Variants in ZNF331 observed in about 807,000 individuals in gnomAD.
ZNF331 encodes zinc finger protein 331.
ZNF331 carries 2 observed loss-of-function variants against 7.0 expected under a neutral mutation model. The ratio of observed to expected loss-of-function variants is 0.29; its 90% confidence interval spans 0.12 to 0.90. The LOEUF (loss-of-function observed/expected upper bound fraction) is 0.90, where lower values mean the gene tolerates loss of function less well. Ranked by LOEUF, ZNF331 falls within the 40% of genes least tolerant of loss-of-function variation. The pLI is 0.58. For synonymous variants in ZNF331, 196 were observed against 205.4 expected, an observed-to-expected ratio of 0.95 and a Z score of 0.39; for missense variants, 432 against 587.7, an observed-to-expected ratio of 0.74 and a Z score of 2.74.
the ZNF331 span, among the ~76,000 whole-genome samples, chr19:53,513,721 G>A: frequency 9.0e-3 from 1,252 of 139,648 alleles, no homozygotes; most frequent in African/African-American, 0.016. Context: ...GCACGATCTC[G>A]GCTCACTGCA....
intron 2 of ZNF331, among the ~76,000 whole-genome samples, chr19:53,531,976 AT>A (rs980285952): frequency 6.6e-6 from 1 of 151,920 alleles, no homozygotes; most frequent in Non-Finnish European, 1.5e-5. Flanking sequence ...GACATCCTTT[AT>A]TTTTTATTTT....
At chr19:53,508,341 G>A in the ZNF331 span, among the ~76,000 whole-genome samples, 45 of 152,246 alleles carry the variant, frequency 3.0e-4, no homozygotes, top group Middle Eastern at 3.4e-3. Context: ...GCCGCACCAC[G>A]TGACCCTTGA....
intron 2 of ZNF331, among the ~76,000 whole-genome samples, chr19:53,531,968 C>G (rs971517401): frequency 1.3e-5 from 2 of 152,226 alleles, no homozygotes; most frequent in East Asian, 3.9e-4. Context: ...ATTAAAATGA[C>G]ATCCTTTATT....
chr19:53,526,390 G>A (rs2087294107), intron 2 of ZNF331, among the ~76,000 whole-genome samples: 1 of 152,080 alleles, frequency 6.6e-6, no homozygotes, highest in Non-Finnish European at 1.5e-5. Flanking sequence ...AGGGCATCAG[G>A]TTCTGGTCTT....
At position 53,579,765 on chromosome 19, in the gene ZNF331, A is replaced by G. The variant is rs1184867602; in HGVS notation, c.*1813A>G. 5.1e-6 allele frequency: 1 copy of G among 197,310 alleles called. No individual in the cohort carries two copies. The highest frequency in any genetic ancestry group is 2.3e-5 in the African/African-American group (1 of 43,372). 12.2% of individuals were successfully genotyped at this position (197,310 alleles called of 1,614,324 possible). A position where few individuals can be genotyped will look rare whatever the true frequency, so the allele number is the denominator to read the frequency against. On this transcript the variant is annotated 3_prime_UTR_variant, in exon 6 of 6. Coordinates refer to ENST00000449416, the MANE Select transcript of ZNF331 (RefSeq NM_001079906.2). ...CATAAAAAGTTGTTACACTTCATCA[A>G]AAGTACAAAGTTCTGTTCATCAAAT...
chr19:53,556,168 G>T (rs1378721147), intron 3 of ZNF331, among the ~76,000 whole-genome samples: 2 of 150,392 alleles, frequency 1.3e-5, no homozygotes, highest in Non-Finnish European at 3.0e-5. Flanking sequence ...GCGGGAACCC[G>T]GGAGGCGGAG....
At chr19:53,503,314 A>T in the ZNF331 span, 4 of 370,626 alleles carry the variant, frequency 1.1e-5, no homozygotes, top group East Asian at 1.4e-4. Context: ...GCTGCCTTTT[A>T]AATGTCGCTC....
intron 2 of ZNF331, among the ~76,000 whole-genome samples, chr19:53,530,107 A>G (rs1012228777): frequency 5.3e-5 from 8 of 152,148 alleles, no homozygotes; most frequent in Non-Finnish European, 1.2e-4. Context: ...TGGAAGGTGA[A>G]GTGGGAGCAG....
chr19:53,546,432 G>A (rs988480854), intron 2 of ZNF331, among the ~76,000 whole-genome samples: 16 of 151,874 alleles, frequency 1.1e-4, no homozygotes, highest in African/African-American at 3.9e-4. Flanking sequence ...TGTACCCCCT[G>A]GTTGACCAGC....
intron 2 of ZNF331, among the ~76,000 whole-genome samples, chr19:53,546,782 C>T (rs1022278069): frequency 6.6e-6 from 1 of 152,196 alleles, no homozygotes; most frequent in African/African-American, 2.4e-5. Context: ...ATTTCTGTGT[C>T]ATCAAAGGCA....
At chr19:53,554,913 G>C (rs1007975517) in intron 2 of ZNF331, 1 of 153,282 alleles carries the variant, frequency 6.5e-6, no homozygotes, top group Non-Finnish European at 1.5e-5. Flanking sequence ...ATATGTGGGG[G>C]CGGCGATCAG....
At chr19:53,513,326 C>T in the ZNF331 span, among the ~76,000 whole-genome samples, 1 of 151,900 alleles carries the variant, frequency 6.6e-6, no homozygotes, top group Non-Finnish European at 1.5e-5. Flanking sequence ...GACGCATACT[C>T]AGAGGTAGGA....
In ZNF331 at chr19:53,555,094, C is replaced by T. The variant is rs188623684; in HGVS notation, c.-137-751C>T. ...GCAGGCTTGTGCTGGGATGGTTGGT[C>T]GGGCCTTCTGGGTGACGCAGGTGTG... On this transcript the variant is annotated intron_variant, in intron 2 of 5. Coordinates refer to ENST00000449416, the MANE Select transcript of ZNF331 (RefSeq NM_001079906.2). The T allele has an allele frequency of 4.5e-4, 70 of 155,632 alleles. No individual in the cohort carries two copies. In the East Asian group the frequency reaches 7.7e-3, roughly 17 times the overall value. 9.6% of individuals were successfully genotyped at this position (155,632 alleles called of 1,614,324 possible). A position where few individuals can be genotyped will look rare whatever the true frequency, so the allele number is the denominator to read the frequency against.
chr19:53,520,909 T>G (rs562373723), upstream of ZNF331: 1 of 151,994 alleles, frequency 6.6e-6, no homozygotes, highest in Admixed American at 6.5e-5. Context: ...CAGAGGCCTC[T>G]GGGTCACGGC....
chr19:53,566,331 C>T (rs889658849), intron 3 of ZNF331, among the ~76,000 whole-genome samples: 4 of 152,072 alleles, frequency 2.6e-5, no homozygotes, highest in African/African-American at 9.7e-5. Flanking sequence ...TTTGCTCTTT[C>T]GTCCAGGCTG....
intron 1 of ZNF331, chr19:53,522,489 C>T (rs1164628757): frequency 6.6e-6 from 1 of 152,124 alleles, no homozygotes; most frequent in African/African-American, 2.4e-5. Flanking sequence ...CCCCCGTCGG[C>T]TTCCCAAAGT....
At chr19:53,574,308 A>G (rs1188873888) in intron 5 of ZNF331, among the ~76,000 whole-genome samples, 2 of 152,052 alleles carry the variant, frequency 1.3e-5, no homozygotes, top group Admixed American at 1.3e-4. Context: ...AATACGGAGG[A>G]AAGTGGGAGC....
chr19:53,543,603 GAA>G (rs1211243038), intron 2 of ZNF331, among the ~76,000 whole-genome samples: 1 of 152,048 alleles, frequency 6.6e-6, no homozygotes, highest in Non-Finnish European at 1.5e-5. Flanking sequence ...ACTATAAAAA[GAA>G]AAACTTTTTT....
intron 1 of ZNF331, chr19:53,538,835 C>G (rs781159626): frequency 6.6e-6 from 1 of 152,536 alleles, no homozygotes; most frequent in Non-Finnish European, 1.5e-5. Flanking sequence ...TCTGCTGCTT[C>G]CCCTGCCTTC....
Sources: gnomAD v4.1 joint callset for allele counts (sites outside exome capture counted in the v4.1 genomes callset) on GRCh38, gnomAD v4.1.1 for gene constraint, MANE v1.5 for transcripts, NCBI Gene and HGNC (gene_info 2026-07-23, HGNC 2026-07-21) for gene names.